The following COL21A1 variants were observed in gnomAD, a reference collection of about 807,000 sequenced individuals.
COL21A1 encodes the protein collagen alpha-1(XXI) chain.
In COL21A1, 149 loss-of-function variants were observed where a neutral mutation model predicts 137.9. That is an observed-to-expected ratio of 1.08 (90% CI 0.95 to 1.24). The LOEUF is 1.24. Ranked by LOEUF, COL21A1 falls within the 50% of genes most tolerant of loss-of-function variation. The pLI, the probability that COL21A1 is intolerant of heterozygous loss-of-function variation, is 0.00. For missense variants in COL21A1, 1,167 were observed against 1,158.4 expected (o/e 1.01, Z -0.11); for synonymous variants, 456 against 391.5 (o/e 1.16, Z -1.95).
chr6:56,082,751 T>C (rs891535360), intron 17 of COL21A1, among the ~76,000 whole-genome samples: 4 of 151,830 alleles, frequency 2.6e-5, no homozygotes, highest in African/African-American at 9.7e-5. Context: ...ATGAAATTAG[T>C]TTGATAAAGA....
chr6:56,126,345 T>A, intron 12 of COL21A1, 196 bp from the exon 13 acceptor site: 1 of 503,686 alleles, frequency 2.0e-6, no homozygotes. Flanking sequence ...TCAGAGAAGA[T>A]AAGTATTTTG....
intron 7 of COL21A1, among the ~76,000 whole-genome samples, chr6:56,165,813 G>A (rs1011469646): frequency 1.3e-5 from 2 of 151,802 alleles, no homozygotes; most frequent in Non-Finnish European, 2.9e-5. Context: ...AAATATCACT[G>A]GGAATTTACA....
intron 1 of COL21A1, among the ~76,000 whole-genome samples, chr6:56,254,350 A>G (rs1433766224): frequency 6.6e-6 from 1 of 152,200 alleles, no homozygotes; most frequent in Admixed American, 6.5e-5. Context: ...GCATCCTCAA[A>G]GCAGAGGGAA....
intron 17 of COL21A1, among the ~76,000 whole-genome samples, chr6:56,090,610 A>G (rs1007281461): frequency 7.9e-5 from 12 of 152,184 alleles, no homozygotes; most frequent in African/African-American, 2.7e-4. Flanking sequence ...ATTATTTTAG[A>G]TAAAGCCTAT....
chr6:56,262,640 T>C (rs1763305250), intron 1 of COL21A1, among the ~76,000 whole-genome samples: 1 of 152,156 alleles, frequency 6.6e-6, no homozygotes, highest in African/African-American at 2.4e-5. Flanking sequence ...AATATACTAG[T>C]ATATTTTATA....
intron 3 of COL21A1, among the ~76,000 whole-genome samples, chr6:56,177,666 C>T (rs1777592231): frequency 6.6e-6 from 1 of 151,714 alleles, no homozygotes; most frequent in Non-Finnish European, 1.5e-5. Context: ...GTGGTGGGCG[C>T]CTGTAGTCCC....
Position 56,179,784 on chromosome 6 carries a change from C to T in COL21A1, c.434G>A (p.Gly145Asp), listed in dbSNP as rs1380565278. Reference protein sequence around the residue: ...LTKIAVVLTDGKSQDDVKDAA... With the variant: ...LTKIAVVLTDDKSQDDVKDAA... ...ATCCTTGACGTCATCTTGGGATTTG[C>T]CATCCGTAAGTACCACTGCTATCTT... Residue 145 changes from glycine (G) to aspartate (D), a missense_variant, in exon 3 of 30, where the codon GGC becomes GAC. By Grantham distance (94) the Gly-to-Asp change is moderately conservative. Coordinates refer to ENST00000244728, the MANE Select transcript of COL21A1 (RefSeq NM_030820.4). 6.2e-7 allele frequency: 1 copy of T among 1,613,736 alleles called. No individual in the cohort carries two copies. The highest frequency in any genetic ancestry group is 1.3e-5 in the African/African-American group (1 of 74,910).
chr6:56,320,165 C>A (rs1764831335), intron 1 of COL21A1, among the ~76,000 whole-genome samples: 1 of 152,226 alleles, frequency 6.6e-6, no homozygotes, highest in East Asian at 1.9e-4. Flanking sequence ...AATAGCAACT[C>A]CATCCTTCGA....
intron 16 of COL21A1, among the ~76,000 whole-genome samples, chr6:56,103,169 T>G (rs1021280876): frequency 7.2e-5 from 11 of 152,142 alleles, no homozygotes; most frequent in African/African-American, 2.7e-4. Context: ...ACATGGGAAC[T>G]TCTTCAGAAT....
chr6:56,278,463 G>A (rs1245846798), intron 1 of COL21A1, among the ~76,000 whole-genome samples: 4 of 152,116 alleles, frequency 2.6e-5, no homozygotes, highest in Non-Finnish European at 5.9e-5. Flanking sequence ...GTGGCCTGTG[G>A]AGGGGCCTAT....
chr6:56,066,340 A>G (rs981164106), intron 23 of COL21A1, among the ~76,000 whole-genome samples: 2 of 151,958 alleles, frequency 1.3e-5, no homozygotes, highest in Non-Finnish European at 2.9e-5. Context: ...ATAATTGTGG[A>G]TATAGCAAGT....
upstream of COL21A1, among the ~76,000 whole-genome samples, chr6:56,251,264 A>T (rs1782846393): frequency 6.6e-6 from 1 of 152,204 alleles, no homozygotes; most frequent in South Asian, 2.1e-4. Flanking sequence ...TGACTACTAT[A>T]TTATGGCATT....
chr6:56,393,117 T>G (rs534127677), intron 1 of COL21A1, among the ~76,000 whole-genome samples: 1 of 149,072 alleles, frequency 6.7e-6, no homozygotes, highest in Non-Finnish European at 1.5e-5. Flanking sequence ...AGAGCTATAG[T>G]AACCAAAACA....
chr6:56,248,431 C>G (rs1782758168), upstream of COL21A1, among the ~76,000 whole-genome samples: 1 of 152,232 alleles, frequency 6.6e-6, no homozygotes, highest in Admixed American at 6.5e-5. Flanking sequence ...TGAGTCCTTC[C>G]TGTACATCCC....
chr6:56,284,022 G>C (rs1339524127), intron 1 of COL21A1, among the ~76,000 whole-genome samples: 1 of 152,074 alleles, frequency 6.6e-6, no homozygotes, highest in African/African-American at 2.4e-5. Context: ...CTGTAATTAT[G>C]AGGATGTGAA....
chr6:56,152,857 C>T lies in COL21A1; in HGVS notation c.1434+4030G>A, dbSNP rs533020076. The stretch of plus-strand genomic sequence containing the variant: ...TGAGCAGATGACATCAGTGTGTGAA[C>T]TGCATTGGCTCTGGAGTCAGTACAG... On this transcript the variant is annotated intron_variant, in intron 10 of 29. Coordinates refer to ENST00000244728, the MANE Select transcript of COL21A1 (RefSeq NM_030820.4). Among the ~76,000 whole-genome samples the T allele has an allele frequency of 2.1e-3, 325 of 152,240 alleles. 2 individuals are homozygous for T. Among genetic ancestry groups the T allele is most frequent in the South Asian group, 8.5e-3 (41 of 4,830 alleles).
At chr6:56,286,249 A>C (rs551015032) in intron 1 of COL21A1, among the ~76,000 whole-genome samples, 1 of 152,344 alleles carries the variant, frequency 6.6e-6, no homozygotes, top group Admixed American at 6.5e-5. Context: ...AGCTGCATGC[A>C]CTGAGCACTG....
Position 56,349,198 on chromosome 6 carries a change from T to C in COL21A1, c.-39+44773A>G, listed in dbSNP as rs1415315368. 2.0e-5 allele frequency among the ~76,000 whole-genome samples: 3 copies of C among 152,318 alleles called. No individual in the cohort carries two copies. The East Asian group carries it at 5.8e-4, about 29-fold the overall frequency. On this transcript the variant is annotated intron_variant, in intron 1 of 28. Transcript: ENST00000370819. Reference sequence around the variant, plus strand: ...CACTGCACTGATAAAATAAATTTAGTGAGACGGGAAATTTATGGTTGGACA... The same window carrying C: ...CACTGCACTGATAAAATAAATTTAGCGAGACGGGAAATTTATGGTTGGACA...
At chr6:56,152,514 T>C (rs1775402424) in intron 10 of COL21A1, among the ~76,000 whole-genome samples, 1 of 152,198 alleles carries the variant, frequency 6.6e-6, no homozygotes, top group African/African-American at 2.4e-5. Context: ...TAGTTATCTA[T>C]ATATAAAATC....
Sources: gnomAD v4.1 joint callset for allele counts (sites outside exome capture counted in the v4.1 genomes callset) on GRCh38, gnomAD v4.1.1 for gene constraint, MANE v1.5 for transcripts, NCBI Gene and HGNC (gene_info 2026-07-23, HGNC 2026-07-21) for gene names.